The following KLF8 variants were observed in gnomAD, a reference collection of about 807,000 sequenced individuals.
The protein encoded by KLF8 is Krueppel-like factor 8.
In KLF8, 10 loss-of-function variants were observed where a neutral mutation model predicts 18.2. The ratio of observed to expected loss-of-function variants is 0.55; its 90% CI spans 0.34 to 0.93. The LOEUF (loss-of-function observed/expected upper bound fraction) is 0.93. Among genes scored for constraint, KLF8 ranks in the 40% least tolerant of loss-of-function variants. The pLI, the probability that KLF8 is intolerant of heterozygous loss-of-function variation, is 0.02. For synonymous variants in KLF8, 109 were observed against 97.3 expected (o/e 1.12, Z -0.71); for missense variants, 264 against 277.9 (o/e 0.95, Z 0.36).
the KLF8 span, among the ~76,000 whole-genome samples, chrX:56,217,899 G>A: frequency 9.0e-6 from 1 of 111,353 alleles, no homozygotes; most frequent in Non-Finnish European, 1.9e-5. Context: ...AGAGGTCCAA[G>A]CTTCAGGCCC....
At chrX:56,182,193 C>T in the KLF8 span, among the ~76,000 whole-genome samples, 2 of 111,653 alleles carry the variant, frequency 1.8e-5, no homozygotes, top group African/African-American at 3.3e-5. Flanking sequence ...CTTCTCTTCT[C>T]GCTTCATTTC....
the KLF8 span, among the ~76,000 whole-genome samples, chrX:56,207,355 C>T: frequency 8.9e-6 from 1 of 112,396 alleles, no homozygotes; most frequent in East Asian, 2.8e-4. Flanking sequence ...AAATTTTATG[C>T]TCTGCTTCCC....
At chrX:56,163,715 G>A in the KLF8 span, among the ~76,000 whole-genome samples, 97 of 111,654 alleles carry the variant, frequency 8.7e-4, no homozygotes, top group African/African-American at 3.0e-3. Flanking sequence ...TGTCTTCCAG[G>A]GTTTCTATAG....
At chrX:56,227,740 T>C (rs1171098368), upstream of KLF8, among the ~76,000 whole-genome samples, 1 of 111,393 alleles carries the variant, frequency 9.0e-6, no homozygotes, top group Non-Finnish European at 1.9e-5. Flanking sequence ...TTTCTGCAGG[T>C]GCAGTTTTTC....
the KLF8 span, among the ~76,000 whole-genome samples, chrX:55,970,779 A>C: frequency 9.0e-6 from 1 of 111,570 alleles, no homozygotes; most frequent in Non-Finnish European, 1.9e-5. Context: ...AAACAATCTC[A>C]AAAAGAAATC....
chrX:56,211,930 G>C, the KLF8 span, among the ~76,000 whole-genome samples: 1 of 110,747 alleles, frequency 9.0e-6, no homozygotes, highest in East Asian at 2.9e-4. Flanking sequence ...AATCTCACCT[G>C]AATCTAGCAA....
chrX:55,986,993 A>C, the KLF8 span, among the ~76,000 whole-genome samples: 2 of 111,317 alleles, frequency 1.8e-5, no homozygotes, highest in South Asian at 3.8e-4. Flanking sequence ...TCCATATTAT[A>C]TATGTACCAT....
the KLF8 span, among the ~76,000 whole-genome samples, chrX:55,925,022 A>ATT: frequency 9.3e-3 from 801 of 86,405 alleles, 2 homozygotes; most frequent in African/African-American, 0.02. Context: ...CGCCCAGCTA[A>ATT]TTTTTTTTTT....
At chrX:56,050,062 T>A in the KLF8 span, among the ~76,000 whole-genome samples, 1 of 110,616 alleles carries the variant, frequency 9.0e-6, no homozygotes, top group African/African-American at 3.3e-5. Context: ...CATAGAGGTG[T>A]TTGTAGTATT....
At chrX:56,196,589 T>A in the KLF8 span, among the ~76,000 whole-genome samples, 1 of 111,419 alleles carries the variant, frequency 9.0e-6, no homozygotes, top group Non-Finnish European at 1.9e-5. Context: ...GCACCCAGAT[T>A]CATAAAGCAA....
chrX:56,139,182 A>G, the KLF8 span, among the ~76,000 whole-genome samples: 1 of 112,141 alleles, frequency 8.9e-6, no homozygotes, highest in African/African-American at 3.2e-5. Flanking sequence ...AAAACATTCC[A>G]TGCTCATGGA....
At chrX:56,269,005 AACACACACAC>A in intron 3 of KLF8, 2 of 799,669 alleles carry the variant, frequency 2.5e-6, no homozygotes, top group Non-Finnish European at 3.1e-6. Context: ...AGTTCAATTC[AACACACACAC>A]ACACACACAC....
chrX:56,143,101 T>A, the KLF8 span, among the ~76,000 whole-genome samples: 1 of 111,736 alleles, frequency 8.9e-6, no homozygotes, highest in African/African-American at 3.3e-5. Context: ...GGGCTTCTGC[T>A]ACCTCTCTGA....
the KLF8 span, among the ~76,000 whole-genome samples, chrX:55,926,952 G>T: frequency 1.8e-5 from 2 of 111,484 alleles, no homozygotes; most frequent in African/African-American, 6.5e-5. Flanking sequence ...GAGAAAGGAG[G>T]TCTGTAGAAG....
the KLF8 span, among the ~76,000 whole-genome samples, chrX:56,053,597 G>T: frequency 2.4e-5 from 2 of 82,967 alleles, no homozygotes; most frequent in Admixed American, 1.5e-4. Context: ...GCTCTTCTTT[G>T]TACATCTGTT....
the KLF8 span, among the ~76,000 whole-genome samples, chrX:56,009,441 C>T: frequency 9.0e-6 from 1 of 111,322 alleles, no homozygotes; most frequent in Non-Finnish European, 1.9e-5. Context: ...CTCACAAAAA[C>T]CTCATCCAAA....
chrX:56,088,528 G>A, the KLF8 span, among the ~76,000 whole-genome samples: 6 of 111,444 alleles, frequency 5.4e-5, no homozygotes, highest in African/African-American at 1.6e-4. Flanking sequence ...AGCTCATAAG[G>A]CAGTATATCT....
chrX:56,159,286 T>A, the KLF8 span, among the ~76,000 whole-genome samples: 1 of 112,121 alleles, frequency 8.9e-6, no homozygotes, highest in Non-Finnish European at 1.9e-5. Context: ...GAATTAGGTT[T>A]GCCATTGTTT....
chrX:55,939,007 G>T, the KLF8 span, among the ~76,000 whole-genome samples: 7 of 111,849 alleles, frequency 6.3e-5, no homozygotes. Context: ...AATGAACTCA[G>T]CTCTGCACCA....
Sources: gnomAD v4.1 joint callset for allele counts (sites outside exome capture counted in the v4.1 genomes callset) on GRCh38, gnomAD v4.1.1 for gene constraint, MANE v1.5 for transcripts, NCBI Gene and HGNC (gene_info 2026-07-23, HGNC 2026-07-21) for gene names.